PDIA3: variants seen among roughly 807,000 people sequenced by gnomAD.
The protein encoded by PDIA3 is protein disulfide isomerase family A member 3, also known as protein disulfide-isomerase A3.
In PDIA3, 16 loss-of-function variants were observed where a neutral mutation model predicts 56.9. The observed-to-expected ratio is 0.28, with a 90% CI of 0.19 to 0.43. The LOEUF is 0.43. Ranked by LOEUF, PDIA3 falls within the 20% of genes least tolerant of loss-of-function variation. The pLI is 1.00. For synonymous variants in PDIA3, 192 were observed against 216.5 expected (o/e 0.89, Z 0.99); for missense variants, 485 against 621.3 (o/e 0.78, Z 2.33).
At chr15:43,761,560 A>C in intron 4 of PDIA3, 29 bp downstream of exon 4, 1 of 1,175,458 alleles carries the variant, frequency 8.5e-7, no homozygotes, top group Non-Finnish European at 1.3e-6. Flanking sequence ...ACCGTGCCAC[A>C]GAATTGTCAG....
chr15:43,748,543 C>T (rs112231647), intron 1 of PDIA3, among the ~76,000 whole-genome samples: 3 of 152,008 alleles, frequency 2.0e-5, no homozygotes, highest in African/African-American at 4.8e-5. Flanking sequence ...AATTGTTACA[C>T]GTGCTACCCT....
In PDIA3 at chr15:43,768,640, T is replaced by A; in HGVS notation, c.1137+43T>A. On this transcript the variant is annotated intron_variant, in intron 9 of 12. Coordinates refer to ENST00000300289, the MANE Select transcript of PDIA3 (RefSeq NM_005313.5). ...TCATCAAGCTATGAGCAATTGCCTG[T>A]CCTCATTTCTTTGTTCCAAAACTGT... is the stretch of plus-strand genomic sequence containing the variant. 3 of 1,278,662 alleles carry A rather than the reference T, an allele frequency of 2.3e-6. No homozygotes were observed. In the South Asian group the frequency reaches 3.6e-5, roughly 15 times the overall value. 79.2% of individuals were successfully genotyped at this position (1,278,662 alleles called of 1,614,324 possible).
At position 43,765,910 on chromosome 15, in the gene PDIA3, C is replaced by G. The variant is rs776840529; in HGVS notation, c.743C>G (p.Thr248Arg). 8 of 1,612,322 alleles carry G rather than the reference C, an allele frequency of 5.0e-6. No individual in the cohort carries two copies. The highest frequency in any genetic ancestry group is 3.3e-5 in the South Asian group (3 of 90,670). Residue 248 changes from threonine (T) to arginine (R), a missense_variant, in exon 7 of 13, where the codon ACA (threonine) becomes AGA (arginine). By Grantham distance (71) the Thr-to-Arg change is moderately conservative. Transcript: ENST00000300289. Reference protein sequence around the residue: ...ENIFGICPHMTEDNKDLIQGK... With the variant: ...ENIFGICPHMREDNKDLIQGK... The stretch of plus-strand genomic sequence containing the variant: ...AGTTTTGGTATCTGCCCTCACATGA[C>G]AGAAGACAATAAAGATTTGATACAG...
At chr15:43,769,126 C>A (rs1016996282) in intron 9 of PDIA3, among the ~76,000 whole-genome samples, 1 of 151,886 alleles carries the variant, frequency 6.6e-6, no homozygotes, top group Non-Finnish European at 1.5e-5. Flanking sequence ...GGCTAAGTTA[C>A]TCTTGAGGAT....
chr15:43,767,467 C>A (rs1245241509), intron 8 of PDIA3, among the ~76,000 whole-genome samples: 2 of 151,738 alleles, frequency 1.3e-5, no homozygotes, highest in Non-Finnish European at 2.9e-5. Context: ...TTACATGATT[C>A]CACTTGGTCA....
intron 10 of PDIA3, 90 bp from the exon 11 acceptor site, chr15:43,770,160 G>A: frequency 1.9e-6 from 2 of 1,039,298 alleles, no homozygotes; most frequent in Non-Finnish European, 3.0e-6. Context: ...AGTGTTTGAA[G>A]AATGAGATTG....
rs2086777673 is a variant in PDIA3, at chr15:43,756,187, TACA to T, written c.247-461_247-459del. Among the ~76,000 whole-genome samples the T allele has an allele frequency of 2.0e-5, 3 of 152,202 alleles. No homozygotes were observed. The South Asian group carries it at 6.2e-4, about 31-fold the overall frequency. On this transcript the variant is annotated intron_variant, in intron 2 of 12. Transcript: ENST00000300289. ...GATTCAAACTAGTTCAGGGTACGTG[TACA>T]GGTGTTGGTACCTTTGATAATAGCT... is the stretch of plus-strand genomic sequence containing the variant.
intron 3 of PDIA3, among the ~76,000 whole-genome samples, chr15:43,758,170 G>A (rs895375055): frequency 9.2e-5 from 14 of 151,626 alleles, no homozygotes; most frequent in East Asian, 4.0e-4. Context: ...CCTGGGAGGC[G>A]GGGTTGCGGT....
In PDIA3 at chr15:43,768,568, A is replaced by T; in HGVS notation, c.1108A>T (p.Ile370Phe). ...GAAGAGATACCTGAAGTCTGAACCT[A>T]TCCCAGAGAGCAATGATGGGCCTGT... ...NLKRYLKSEP[I>F]PESNDGPVKV... Residue 370 changes from isoleucine to phenylalanine, a missense_variant, in exon 9 of 13, where the codon ATC becomes TTC. Ile to Phe is a conservative substitution (Grantham distance 21, BLOSUM62 0). Coordinates refer to ENST00000300289, the MANE Select transcript of PDIA3 (RefSeq NM_005313.5). The T allele has an allele frequency of 6.2e-7, 1 of 1,613,122 alleles. No homozygotes were observed. Among genetic ancestry groups the T allele is most frequent in the Non-Finnish European group, 8.5e-7 (1 of 1,179,052 alleles).
At chr15:43,766,044 A>C (rs758711206) in intron 7 of PDIA3, 32 bp downstream of exon 7, 32 of 1,606,096 alleles carry the variant, frequency 2.0e-5, no homozygotes, top group Middle Eastern at 1.7e-4. Context: ...CCTCATGAAC[A>C]AGTTTACCCA....
chr15:43,768,028 C>CT (rs955013292), intron 8 of PDIA3, among the ~76,000 whole-genome samples: 1 of 152,132 alleles, frequency 6.6e-6, no homozygotes, highest in African/African-American at 2.4e-5. Flanking sequence ...ATTCCCCCCC[C>CT]TCATCCCTAC....
rs920212493 is a variant in PDIA3, at chr15:43,770,533, A to G, written c.1357A>G (p.Ile453Val). The change falls in exon 12 of 13, where the codon ATA becomes GTA. Residue 453 changes from isoleucine (I) to valine (V), a missense_variant. Transcript: ENST00000300289. ...TGTTTCTTTCCCCAGTTTTCCTACCATATACTTCTCTCCAGCCAACAAGAA... is the reference window on the plus strand; with the variant it reads ...TGTTTCTTTCCCCAGTTTTCCTACCGTATACTTCTCTCCAGCCAACAAGAA... Reference protein sequence around the residue: ...SPYEVRGFPTIYFSPANKKLN... With the variant: ...SPYEVRGFPTVYFSPANKKLN... The G allele has an allele frequency of 2.5e-6, 4 of 1,611,468 alleles. No individual in the cohort carries two copies. Among genetic ancestry groups the G allele is most frequent in the Admixed American group, 1.7e-5 (1 of 59,994 alleles).
intron 1 of PDIA3, 51 bp downstream of exon 1, chr15:43,746,757 G>T (rs779246468): frequency 6.3e-7 from 1 of 1,596,762 alleles, no homozygotes; most frequent in South Asian, 1.1e-5. Flanking sequence ...TGGGCCGGGG[G>T]CGAGAGCGCG....
rs1404865842 is a variant in PDIA3, at chr15:43,768,522, G to A, written c.1062G>A (p.Gln354=). 6.2e-7 allele frequency: 1 copy of A among 1,613,784 alleles called. No individual in the cohort carries two copies. The highest frequency in any genetic ancestry group is 8.5e-7 in the Non-Finnish European group (1 of 1,179,838). ...RDGKALERFL[Q]DYFDGNLKRY... Reference sequence around the variant, plus strand: ...GGAAGGCTCTGGAGAGGTTCCTGCAGGATTACTTTGATGGCAATCTGAAGA... The same window carrying A: ...GGAAGGCTCTGGAGAGGTTCCTGCAAGATTACTTTGATGGCAATCTGAAGA... Residue 354 remains glutamine, a synonymous_variant, in exon 9 of 13, where the codon CAG becomes CAA. Transcript: ENST00000300289.
chr15:43,760,326 G>A (rs1031673586), intron 3 of PDIA3, among the ~76,000 whole-genome samples: 1 of 151,216 alleles, frequency 6.6e-6, no homozygotes, highest in Admixed American at 6.6e-5. Flanking sequence ...GGGAGGTCGA[G>A]GCTGCAGTGA....
At chr15:43,753,924 A>G in intron 2 of PDIA3, 22 bp downstream of exon 2, 1 of 1,514,446 alleles carries the variant, frequency 6.6e-7, no homozygotes. Context: ...TGGATTCTTC[A>G]CTAAAGGACG....
intron 3 of PDIA3, among the ~76,000 whole-genome samples, chr15:43,760,979 C>T (rs1264611657): frequency 1.3e-5 from 2 of 151,506 alleles, no homozygotes; most frequent in Admixed American, 6.6e-5. Flanking sequence ...GTGGCTCACG[C>T]CTGTAATCCC....
Position 43,766,879 on chromosome 15 carries a change from G to A in PDIA3, c.997G>A (p.Gly333Arg). Reference protein sequence around the residue: ...IPVVAIRTAKGEKFVMQEEFS... With the variant: ...IPVVAIRTAKREKFVMQEEFS... ...TGTTGTTGCTATCAGAACTGCTAAA[G>A]GAGAGAAGTTTGTCATGCAGGAGGA... Residue 333 changes from glycine to arginine, a missense_variant, in exon 8 of 13, where the codon GGA becomes AGA. Gly to Arg is a moderately radical substitution (Grantham distance 125). Coordinates refer to ENST00000300289, the MANE Select transcript of PDIA3 (RefSeq NM_005313.5). 1 of 1,614,158 alleles carries A rather than the reference G, an allele frequency of 6.2e-7. No homozygotes were observed. Among genetic ancestry groups the A allele is most frequent in the Non-Finnish European group, 8.5e-7 (1 of 1,180,008 alleles).
intron 1 of PDIA3, among the ~76,000 whole-genome samples, chr15:43,749,256 G>A (rs919018019): frequency 1.3e-5 from 2 of 151,852 alleles, no homozygotes; most frequent in Non-Finnish European, 2.9e-5. Context: ...ACCAAGCCCG[G>A]CTAATTTTTG....
Sources: gnomAD v4.1 joint callset for allele counts (sites outside exome capture counted in the v4.1 genomes callset) on GRCh38, gnomAD v4.1.1 for gene constraint, MANE v1.5 for transcripts, NCBI Gene and HGNC (gene_info 2026-07-23, HGNC 2026-07-21) for gene names.